Variants in SORCS3 observed in about 807,000 individuals in gnomAD.
SORCS3 encodes sortilin related VPS10 domain containing receptor 3, also known as VPS10 domain-containing receptor SorCS3.
A neutral mutation model predicts 146.3 loss-of-function variants in SORCS3; 57 were observed. The observed-to-expected ratio is 0.39, with a 90% CI of 0.31 to 0.49. The LOEUF (loss-of-function observed/expected upper bound fraction) is 0.49, where lower values mean the gene tolerates loss of function less well. Ranked by LOEUF, SORCS3 falls within the 20% of genes least tolerant of loss-of-function variation. The pLI is 0.92. For synonymous variants in SORCS3, 653 were observed against 618.5 expected (o/e 1.06, Z -0.83); for missense variants, 1,341 against 1,575.5 (o/e 0.85, Z 2.52).
intron 21 of SORCS3, among the ~76,000 whole-genome samples, 169 bp from the exon 22 acceptor site, chr10:105,247,050 A>G (rs2056870592): frequency 6.6e-6 from 1 of 152,234 alleles, no homozygotes; most frequent in Admixed American, 6.5e-5. Flanking sequence ...ACCAAATTCT[A>G]CTTTATTTCA....
intron 7 of SORCS3, 106 bp downstream of exon 7, chr10:105,105,621 G>A: frequency 2.5e-6 from 2 of 794,900 alleles, no homozygotes; most frequent in Non-Finnish European, 2.2e-6. Flanking sequence ...ATGTGGAGTT[G>A]AGACACTGTC....
intron 2 of SORCS3, among the ~76,000 whole-genome samples, chr10:104,885,810 C>G (rs1044306903): frequency 6.6e-6 from 1 of 152,110 alleles, no homozygotes; most frequent in Non-Finnish European, 1.5e-5. Context: ...CTTAATAGTT[C>G]TGAGAATTTC....
At chr10:105,031,617 A>C (rs1257689005) in intron 4 of SORCS3, among the ~76,000 whole-genome samples, 1 of 152,200 alleles carries the variant, frequency 6.6e-6, no homozygotes, top group Non-Finnish European at 1.5e-5. Flanking sequence ...CGTGTGAGGC[A>C]GCTCCTTCCA....
At chr10:104,809,161 A>G (rs376388257) in intron 1 of SORCS3, among the ~76,000 whole-genome samples, 3 of 152,236 alleles carry the variant, frequency 2.0e-5, no homozygotes, top group Non-Finnish European at 4.4e-5. Flanking sequence ...ATAGGATTTA[A>G]AAGCTGAAAT....
chr10:105,216,859 G>C, intron 18 of SORCS3, 77 bp from the exon 19 acceptor site: 2 of 1,447,458 alleles, frequency 1.4e-6, no homozygotes, highest in Non-Finnish European at 1.9e-6. Flanking sequence ...GGTTGATGCT[G>C]AAGCAACAGG....
intron 1 of SORCS3, among the ~76,000 whole-genome samples, chr10:104,770,501 G>A (rs559852390): frequency 4.6e-5 from 7 of 152,060 alleles, no homozygotes; most frequent in Non-Finnish European, 8.8e-5. Flanking sequence ...CATATGAAAT[G>A]TAAAGCTTTC....
chr10:104,864,802 C>A (rs1229896980), intron 2 of SORCS3, among the ~76,000 whole-genome samples: 1 of 152,182 alleles, frequency 6.6e-6, no homozygotes, highest in Non-Finnish European at 1.5e-5. Context: ...AACTGGTGTT[C>A]TTTCAATCTC....
intron 1 of SORCS3, among the ~76,000 whole-genome samples, chr10:104,755,985 G>C (rs2017045642): frequency 1.3e-5 from 2 of 152,164 alleles, no homozygotes; most frequent in African/African-American, 4.8e-5. Flanking sequence ...GACATGTCTG[G>C]AATGAGGCAG....
chr10:105,229,824 A>T (rs530600320), intron 20 of SORCS3, among the ~76,000 whole-genome samples: 1 of 152,252 alleles, frequency 6.6e-6, no homozygotes, highest in African/African-American at 2.4e-5. Flanking sequence ...AACTGCACTG[A>T]TTCCTGGGCC....
chr10:105,161,491 G>C (rs951513951), intron 11 of SORCS3, among the ~76,000 whole-genome samples: 3 of 152,016 alleles, frequency 2.0e-5, no homozygotes, highest in Non-Finnish European at 4.4e-5. Flanking sequence ...ACTGAGATGT[G>C]GTCTCAGGGA....
At chr10:104,803,331 C>T (rs995085431) in intron 1 of SORCS3, among the ~76,000 whole-genome samples, 3 of 152,126 alleles carry the variant, frequency 2.0e-5, no homozygotes, top group Non-Finnish European at 2.9e-5. Flanking sequence ...GTCTCTGTTA[C>T]AGATCCCAAG....
At position 105,100,699 on chromosome 10, in the gene SORCS3, C is replaced by T. The variant is rs531111216; in HGVS notation, c.1094-4698C>T. 5.3e-5 allele frequency among the ~76,000 whole-genome samples: 8 copies of T among 152,312 alleles called. No homozygotes were observed. In the South Asian group the frequency reaches 1.7e-3, roughly 32 times the overall value. On this transcript the variant is annotated intron_variant, in intron 6 of 26. Coordinates refer to ENST00000369701, the MANE Select transcript of SORCS3 (RefSeq NM_014978.3). The stretch of plus-strand genomic sequence containing the variant: ...TCAGAATATGACTTCACTGTAGAAC[C>T]TGTGATATCATGGTCTTTCAATTCT...
At chr10:104,828,101 A>G (rs1229415226) in intron 1 of SORCS3, among the ~76,000 whole-genome samples, 2 of 152,062 alleles carry the variant, frequency 1.3e-5, no homozygotes, top group Non-Finnish European at 2.9e-5. Context: ...GTGTATGTTC[A>G]CTGGAATAGT....
intron 5 of SORCS3, among the ~76,000 whole-genome samples, chr10:105,047,608 TA>T (rs1354514442): frequency 1.3e-5 from 2 of 152,092 alleles, no homozygotes; most frequent in African/African-American, 4.8e-5. Context: ...AGACATACTA[TA>T]AGTTCTATAT....
chr10:104,653,109 A>C (rs2015583581), intron 1 of SORCS3, among the ~76,000 whole-genome samples: 1 of 152,206 alleles, frequency 6.6e-6, no homozygotes, highest in African/African-American at 2.4e-5. Context: ...GCTATCACCA[A>C]ACCTGGGTCA....
intron 22 of SORCS3, among the ~76,000 whole-genome samples, chr10:105,249,168 G>A (rs2056884399): frequency 1.3e-5 from 2 of 152,214 alleles, no homozygotes. Context: ...GCCAGTAGGA[G>A]ATGGCCTTAC....
At chr10:104,735,564 T>G (rs2016761388) in intron 1 of SORCS3, among the ~76,000 whole-genome samples, 3 of 147,622 alleles carry the variant, frequency 2.0e-5, no homozygotes, top group Non-Finnish European at 4.4e-5. Flanking sequence ...AAACTGGCCC[T>G]CATAATTGTA....
At chr10:104,836,034 T>A (rs2018062156) in intron 1 of SORCS3, among the ~76,000 whole-genome samples, 2 of 152,214 alleles carry the variant, frequency 1.3e-5, no homozygotes, top group South Asian at 4.1e-4. Context: ...TTCAGCCCTC[T>A]GGTTTCAGGT....
At chr10:104,929,847 A>C (rs546493747) in intron 3 of SORCS3, among the ~76,000 whole-genome samples, 2 of 152,334 alleles carry the variant, frequency 1.3e-5, no homozygotes, top group East Asian at 3.9e-4. Context: ...AGCGTGCAAA[A>C]ACTGGAATAA....
Sources: allele counts gnomAD v4.1 joint callset (sites outside exome capture counted in the v4.1 genomes callset), GRCh38; gene constraint gnomAD v4.1.1; transcripts MANE v1.5; gene names NCBI Gene and HGNC (gene_info 2026-07-23, HGNC 2026-07-21).